The following NMNAT3 variants were observed in gnomAD, a reference collection of about 807,000 sequenced individuals.
NMNAT3 encodes the protein nicotinamide nucleotide adenylyltransferase 3.
NMNAT3 carries 21 observed loss-of-function variants against 24.8 expected under a neutral mutation model. The ratio of observed to expected loss-of-function variants is 0.85; its 90% CI spans 0.60 to 1.22. The LOEUF (loss-of-function observed/expected upper bound fraction) is 1.22. Among genes scored for constraint, NMNAT3 ranks in the 50% most tolerant of loss-of-function variants. The pLI, the probability that NMNAT3 is intolerant of heterozygous loss-of-function variation, is 0.00. For missense variants in NMNAT3, 387 were observed against 436.6 expected, an observed-to-expected ratio of 0.89 and a Z score of 1.01; for synonymous variants, 136 against 155.2, an observed-to-expected ratio of 0.88 and a Z score of 0.92.
chr3:139,575,473 TA>T, intron 5 of NMNAT3: 1 of 474,818 alleles, frequency 2.1e-6, no homozygotes, highest in Non-Finnish European at 2.8e-6. Flanking sequence ...AAAATAGGGC[TA>T]AACCCACCTA....
chr3:139,615,659 T>C (rs2108272718), intron 3 of NMNAT3, among the ~76,000 whole-genome samples: 1 of 152,348 alleles, frequency 6.6e-6, no homozygotes, highest in Middle Eastern at 3.4e-3. Context: ...GTGACTTCCA[T>C]TATCTATAAG....
intron 2 of NMNAT3, chr3:139,634,644 A>T (rs1277647832): frequency 6.6e-6 from 1 of 152,118 alleles, no homozygotes; most frequent in Non-Finnish European, 1.5e-5. Context: ...TCTGCCAGCC[A>T]CCCCTTGGAG....
At chr3:139,622,462 C>T (rs1005400356) in intron 3 of NMNAT3, among the ~76,000 whole-genome samples, 29 of 151,764 alleles carry the variant, frequency 1.9e-4, no homozygotes, top group African/African-American at 5.3e-4. Context: ...ACGCCAGGCA[C>T]GGTGGCTCAC....
chr3:139,635,459 T>G (rs1037330317), intron 2 of NMNAT3: 1 of 152,210 alleles, frequency 6.6e-6, no homozygotes, highest in African/African-American at 2.4e-5. Context: ...AATATCATTC[T>G]GGTAGAAGTA....
At chr3:139,562,475 G>A (rs188512164) in intron 6 of NMNAT3, among the ~76,000 whole-genome samples, 6 of 152,304 alleles carry the variant, frequency 3.9e-5, no homozygotes, top group Admixed American at 2.6e-4. Flanking sequence ...TTCAGTAAAT[G>A]GCAAAGACTG....
At chr3:139,625,799 A>G (rs75401533) in intron 3 of NMNAT3, among the ~76,000 whole-genome samples, 3,324 of 152,212 alleles carry the variant, frequency 0.022, 110 homozygotes, top group African/African-American at 0.073. Context: ...CTTCTGCCTG[A>G]AGAATTTAGC....
chr3:139,593,329 C>T (rs2054289271), intron 3 of NMNAT3, among the ~76,000 whole-genome samples: 1 of 152,180 alleles, frequency 6.6e-6, no homozygotes, highest in Non-Finnish European at 1.5e-5. Flanking sequence ...TAGTGACCTA[C>T]AAAGAGACTT....
At chr3:139,615,375 G>A (rs2055436001) in intron 3 of NMNAT3, among the ~76,000 whole-genome samples, 1 of 152,056 alleles carries the variant, frequency 6.6e-6, no homozygotes, top group Non-Finnish European at 1.5e-5. Flanking sequence ...ACAGGGCTAA[G>A]ATAGCGTTGT....
chr3:139,601,330 T>TA (rs1210989677), intron 3 of NMNAT3, among the ~76,000 whole-genome samples: 1 of 152,196 alleles, frequency 6.6e-6, no homozygotes, highest in Non-Finnish European at 1.5e-5. Flanking sequence ...CTCTGCTACT[T>TA]ATGAGCTGTG....
intron 5 of NMNAT3, 100 bp downstream of exon 5, chr3:139,578,772 A>G: frequency 9.2e-7 from 1 of 1,085,402 alleles, no homozygotes; most frequent in South Asian, 2.0e-5. Flanking sequence ...AAGGTCTGGC[A>G]GAAACCCAGC....
intron 6 of NMNAT3, among the ~76,000 whole-genome samples, chr3:139,563,920 G>C (rs1368703313): frequency 6.6e-6 from 1 of 152,204 alleles, no homozygotes; most frequent in Admixed American, 6.5e-5. Flanking sequence ...TCTGGGGGCA[G>C]TGTGCTCTAC....
At chr3:139,654,665 G>C (rs1336725135) in intron 1 of NMNAT3, among the ~76,000 whole-genome samples, 1 of 152,170 alleles carries the variant, frequency 6.6e-6, no homozygotes, top group Admixed American at 6.5e-5. Flanking sequence ...AATGAACACA[G>C]ACACAGAGGA....
intron 5 of NMNAT3, chr3:139,575,827 G>C: frequency 8.3e-7 from 1 of 1,205,346 alleles, no homozygotes; most frequent in East Asian, 5.9e-5. Flanking sequence ...AAAGATTGGA[G>C]GGCAACTGTG....
intron 6 of NMNAT3, chr3:139,565,690 A>T (rs1281545202): frequency 6.6e-6 from 1 of 152,072 alleles, no homozygotes; most frequent in Non-Finnish European, 1.5e-5. Context: ...AAGGACATGA[A>T]CTCATCATTT....
intron 1 of NMNAT3, among the ~76,000 whole-genome samples, chr3:139,640,849 G>A (rs1485183252): frequency 6.6e-6 from 1 of 152,234 alleles, no homozygotes; most frequent in Non-Finnish European, 1.5e-5. Context: ...ATGGTGATAA[G>A]CAGATAACTG....
intron 5 of NMNAT3, among the ~76,000 whole-genome samples, chr3:139,578,441 C>T (rs1224179357): frequency 1.3e-5 from 2 of 152,112 alleles, no homozygotes; most frequent in African/African-American, 4.8e-5. Flanking sequence ...AAAGGTCCCA[C>T]CTACTGAATA....
intron 3 of NMNAT3, among the ~76,000 whole-genome samples, chr3:139,604,160 CT>C (rs2054836490): frequency 6.6e-6 from 1 of 152,138 alleles, no homozygotes; most frequent in Admixed American, 6.5e-5. Flanking sequence ...TCATTTCTGC[CT>C]TCATAAATGT....
chr3:139,631,340 C>T (rs890872520), intron 2 of NMNAT3, among the ~76,000 whole-genome samples: 2 of 152,176 alleles, frequency 1.3e-5, no homozygotes, highest in Non-Finnish European at 2.9e-5. Context: ...AATGGAATCA[C>T]TCCAGGGATC....
intron 3 of NMNAT3, among the ~76,000 whole-genome samples, chr3:139,610,266 T>C (rs1282450864): frequency 6.6e-6 from 1 of 152,180 alleles, no homozygotes; most frequent in Non-Finnish European, 1.5e-5. Context: ...CTAGAGGACA[T>C]GCCATGAAAA....
Sources: gnomAD v4.1 joint callset for allele counts (sites outside exome capture counted in the v4.1 genomes callset) on GRCh38, gnomAD v4.1.1 for gene constraint, MANE v1.5 for transcripts, NCBI Gene and HGNC (gene_info 2026-07-23, HGNC 2026-07-21) for gene names.